The following CRLF1 variants were observed in gnomAD, a reference collection of about 807,000 sequenced individuals.
CRLF1 encodes cytokine receptor like factor 1, also known as cytokine receptor-like factor 1.
A neutral mutation model predicts 48.9 loss-of-function variants in CRLF1; 36 were observed. That is an observed-to-expected ratio of 0.74 (90% CI 0.56 to 0.97). The LOEUF is 0.97. Ranked by LOEUF, CRLF1 falls within the 50% of genes least tolerant of loss-of-function variation. CRLF1 has a pLI of 0.00. For synonymous variants in CRLF1, 256 were observed against 253.4 expected (o/e 1.01, Z -0.10); for missense variants, 534 against 575.1 (o/e 0.93, Z 0.73).
chr19:18,605,738 G>C (rs1976284311), intron 1 of CRLF1, among the ~76,000 whole-genome samples: 1 of 152,140 alleles, frequency 6.6e-6, no homozygotes, highest in South Asian at 2.1e-4. Context: ...CTTGGATGGG[G>C]GGCCCCAGAG....
intron 4 of CRLF1, among the ~76,000 whole-genome samples, chr19:18,597,680 C>T (rs1260100221): frequency 6.6e-6 from 1 of 152,038 alleles, no homozygotes; most frequent in Non-Finnish European, 1.5e-5. Context: ...GATCCGCCCG[C>T]CTCGGCCTCC....
chr19:18,597,143 C>T, intron 4 of CRLF1, 94 bp from the exon 5 acceptor site: 2 of 1,398,500 alleles, frequency 1.4e-6, no homozygotes, highest in South Asian at 2.7e-5. Context: ...TAGATGGAAC[C>T]TGCCTCTGTT....
rs761565793 is a variant in CRLF1, at chr19:18,596,616, G to A, written c.1024+6C>T. On this transcript the variant is annotated splice_donor_region_variant and intron_variant, in intron 6 of 8. Coordinates refer to ENST00000392386, the MANE Select transcript of CRLF1 (RefSeq NM_004750.5). ...CTGGATCACCCAGCCCTAGGAGGGT[G>A]CTCACCACTGCGGGGAGTGGAGGCG... The A allele has an allele frequency of 3.1e-6, 5 of 1,613,796 alleles. No individual in the cohort carries two copies. Among genetic ancestry groups the A allele is most frequent in the Admixed American group, 1.7e-5 (1 of 60,004 alleles).
rs1449118646 is a variant in CRLF1 at position 18,598,429 on chromosome 19, C to G, written c.697+3G>C. 3.7e-6 allele frequency: 6 copies of G among 1,610,406 alleles called. No homozygotes were observed. In the East Asian group the frequency reaches 1.3e-4, roughly 36 times the overall value. Reference sequence around the variant, plus strand: ...AGGGGCCTAGCAGACACTGGGGGCTCACCCACATCCAGGATATCCAGCGTG... The same window carrying G: ...AGGGGCCTAGCAGACACTGGGGGCTGACCCACATCCAGGATATCCAGCGTG... On this transcript the variant is annotated splice_donor_region_variant and intron_variant, in intron 4 of 8. Coordinates refer to ENST00000392386, the MANE Select transcript of CRLF1 (RefSeq NM_004750.5).
intron 4 of CRLF1, among the ~76,000 whole-genome samples, chr19:18,598,140 T>G (rs1243720624): frequency 6.6e-6 from 1 of 151,982 alleles, no homozygotes. Flanking sequence ...CCCTCCCCTC[T>G]CCCCAGGGCC....
intron 1 of CRLF1, among the ~76,000 whole-genome samples, chr19:18,605,884 C>A (rs1976287084): frequency 6.6e-6 from 1 of 152,136 alleles, no homozygotes; most frequent in South Asian, 2.1e-4. Flanking sequence ...CTCACCCACT[C>A]GCTCACAAAG....
intron 1 of CRLF1, among the ~76,000 whole-genome samples, chr19:18,602,908 G>T (rs927608328): frequency 6.6e-6 from 1 of 151,778 alleles, no homozygotes; most frequent in Non-Finnish European, 1.5e-5. Flanking sequence ...ACGGAGTTTC[G>T]CCATGTTGGC....
chr19:18,596,948 G>C lies in CRLF1; in HGVS notation c.799C>G (p.Leu267Val), dbSNP rs1194403944. 1 of 1,614,022 alleles carries C rather than the reference G, an allele frequency of 6.2e-7. No homozygotes were observed. The highest frequency in any genetic ancestry group is 1.3e-5 in the African/African-American group (1 of 74,938). ...CGGATCTGGTATTTGGCTTGAAAGA[G>C]GAAATCCTTGAGGGCGGGTGGCGAC... ...WVSPPALKDF[L>V]FQAKYQIRYR... The change falls in exon 5 of 9, where the codon CTC (leucine) becomes GTC (valine). Residue 267 changes from leucine (L) to valine (V), a missense_variant. Transcript: ENST00000392386.
At position 18,606,404 on chromosome 19, in the gene CRLF1, C is replaced by T. The variant is rs562764342; in HGVS notation, c.115+138G>A. On this transcript the variant is annotated intron_variant, in intron 1 of 8. Coordinates refer to ENST00000392386, the MANE Select transcript of CRLF1 (RefSeq NM_004750.5). This position sits in a 1 kb window ranked among gnomAD's most constrained non-coding sequence, Gnocchi z 4.8. ...GTGTGCCCCGCAGGTGAGGGCGCCC[C>T]GAGGGCTGCGCCGGGGGCGCCTTCC... 6 of 642,166 alleles carry T rather than the reference C, an allele frequency of 9.3e-6. No individual in the cohort carries two copies. The South Asian group carries it at 2.9e-4, about 31-fold the overall frequency. The allele number at this position is 642,166 out of a possible 1,614,324, so 39.8% of individuals were successfully genotyped here. A position where few individuals can be genotyped will look rare whatever the true frequency, so the allele number is the denominator to read the frequency against.
intron 6 of CRLF1, 22 bp from the exon 7 acceptor site, chr19:18,594,456 G>A (rs1327453149): frequency 3.7e-5 from 50 of 1,337,462 alleles, no homozygotes; most frequent in Non-Finnish European, 4.6e-5. Flanking sequence ...CGGAGCGGCA[G>A]TGTCAGAGCG....
Position 18,594,051 on chromosome 19 carries a change from C to CT in CRLF1, c.1255+13_1255+14insA. The CT allele has an allele frequency of 2.1e-6, 2 of 962,090 alleles. No individual in the cohort carries two copies. Among genetic ancestry groups the CT allele is most frequent in the Admixed American group, 3.3e-5 (1 of 30,078 alleles). 59.6% of individuals were successfully genotyped at this position (962,090 alleles called of 1,614,324 possible). A position where few individuals can be genotyped will look rare whatever the true frequency, so the allele number is the denominator to read the frequency against. The stretch of plus-strand genomic sequence containing the variant: ...CCTTGCTCCCTCCCGCCCACCCATT[C>CT]AGGCCCACCTTACCTCTCGCCGTGC... On this transcript the variant is annotated intron_variant, in intron 8 of 8. Coordinates refer to ENST00000392386, the MANE Select transcript of CRLF1 (RefSeq NM_004750.5).
At position 18,606,203 on chromosome 19, in the gene CRLF1, G is replaced by A. The variant is rs997371881; in HGVS notation, c.115+339C>T. ...GGGAGCGGTGCCCTGCAGTCCCAGGGGCCCAGAGTCCACCGAAGCAGACGC... is the reference window on the plus strand; with the variant it reads ...GGGAGCGGTGCCCTGCAGTCCCAGGAGCCCAGAGTCCACCGAAGCAGACGC... On this transcript the variant is annotated intron_variant, in intron 1 of 8. Transcript: ENST00000392386. The surrounding 1 kb of genome is among the most constrained non-coding windows in gnomAD (Gnocchi z 4.8). Among the ~76,000 whole-genome samples, 9 of 151,720 alleles carry A rather than the reference G, an allele frequency of 5.9e-5. No homozygotes were observed. The highest frequency in any genetic ancestry group is 7.4e-5 in the Non-Finnish European group (5 of 67,808).
chr19:18,594,162 G>C (rs2145326427), intron 7 of CRLF1, 55 bp from the exon 8 acceptor site: 1 of 1,594,368 alleles, frequency 6.3e-7, no homozygotes, highest in Non-Finnish European at 8.5e-7. Flanking sequence ...TGCGTCCACA[G>C]CCTGCTGTCT....
At chr19:18,605,080 C>T (rs1218715799) in intron 1 of CRLF1, among the ~76,000 whole-genome samples, 5 of 152,114 alleles carry the variant, frequency 3.3e-5, no homozygotes, top group Non-Finnish European at 5.9e-5. Context: ...AACATATTGC[C>T]GAGGTGTGAG....
intron 1 of CRLF1, among the ~76,000 whole-genome samples, chr19:18,605,267 G>A (rs959726261): frequency 3.3e-5 from 5 of 152,140 alleles, no homozygotes; most frequent in Non-Finnish European, 5.9e-5. Flanking sequence ...GGGAGGGCCC[G>A]AGGTAGCCCC....
At chr19:18,597,568 T>C (rs1186456623) in intron 4 of CRLF1, among the ~76,000 whole-genome samples, 1 of 151,050 alleles carries the variant, frequency 6.6e-6, no homozygotes, top group Non-Finnish European at 1.5e-5. Flanking sequence ...TAGCTGGGAC[T>C]ACAGGCGCCC....
intron 6 of CRLF1, 34 bp downstream of exon 6, chr19:18,596,588 C>T (rs779014706): frequency 3.3e-5 from 53 of 1,608,584 alleles, no homozygotes; most frequent in Non-Finnish European, 4.5e-5. Context: ...TTCGGACTGG[C>T]CGCTGGATCA....
intron 8 of CRLF1, 33 bp downstream of exon 8, chr19:18,594,032 T>TTGGCCGC: frequency 1.4e-6 from 1 of 695,814 alleles, no homozygotes; most frequent in African/African-American, 2.1e-5. Context: ...CTCCCCTTGC[T>TTGGCCGC]CCCTCCCGCC....
Position 18,594,400 on chromosome 19 carries a change from C to A in CRLF1, c.1059G>T (p.Pro353=). ...RPGPGGGACE[P]RGGEPSSGPV... Reference sequence around the variant, plus strand: ...GCCCCGAGCTCGGCTCTCCGCCCCGCGGTTCGCACGCCCCGCCGCCCGGGC... The same window carrying A: ...GCCCCGAGCTCGGCTCTCCGCCCCGAGGTTCGCACGCCCCGCCGCCCGGGC... The change falls in exon 7 of 9, where the codon CCG becomes CCT. Residue 353 remains proline (P), a synonymous_variant. Transcript: ENST00000392386. 1 of 1,564,392 alleles carries A rather than the reference C, an allele frequency of 6.4e-7. No individual in the cohort carries two copies. The highest frequency in any genetic ancestry group is 8.7e-7 in the Non-Finnish European group (1 of 1,153,480).
Sources: gnomAD v4.1 joint callset for allele counts (sites outside exome capture counted in the v4.1 genomes callset) on GRCh38, gnomAD v4.1.1 for gene constraint, Gnocchi (gnomAD v3.1) non-coding constraint, MANE v1.5 for transcripts, NCBI Gene and HGNC (gene_info 2026-07-23, HGNC 2026-07-21) for gene names.